The following KLHL28 variants were observed in gnomAD, a reference collection of about 807,000 sequenced individuals.
KLHL28 encodes kelch-like protein 28.
In KLHL28, 22 loss-of-function variants were observed where a neutral mutation model predicts 48.3. That is an observed-to-expected ratio of 0.46 (90% CI 0.33 to 0.65). The LOEUF (loss-of-function observed/expected upper bound fraction) is 0.65, where lower values mean the gene tolerates loss of function less well. Ranked by LOEUF, KLHL28 falls within the 30% of genes least tolerant of loss-of-function variation. The pLI is 0.03. For missense variants in KLHL28, 527 were observed against 704.3 expected (o/e 0.75, Z 2.85); for synonymous variants, 243 against 242.4 (o/e 1.00, Z -0.02).
chr14:44,945,239 A>G lies in KLHL28; in HGVS notation c.690T>C (p.Ser230=). ...LLNSVRLPLL[S]VKFLTRLYEA... ...CATATAGTCTAGTGAGAAACTTAAC[A>G]CTCAACAATGGTAATCGTACACTGT... Residue 230 remains serine, a synonymous_variant, in exon 2 of 5, where the codon AGT becomes AGC. Transcript: ENST00000396128. The G allele has an allele frequency of 6.2e-7, 1 of 1,614,136 alleles. No homozygotes were observed.
In KLHL28 at chr14:44,934,334, C is replaced by T. The variant is rs1883715650; in HGVS notation, c.1124G>A (p.Ser375Asn). ...TACTACTACTCCAAGAGTACTTCGG[C>T]TTTCATTCATTCTCTCTAGAGAAGT... is the stretch of plus-strand genomic sequence containing the variant. ...TWTSLERMNE[S>N]RSTLGVVVLA... Residue 375 changes from serine to asparagine, a missense_variant, in exon 3 of 5, where the codon AGC becomes AAC. Physicochemically the swap from Ser to Asn is conservative, Grantham distance 46 (BLOSUM62 1). Coordinates refer to ENST00000396128, the MANE Select transcript of KLHL28 (RefSeq NM_017658.5). 6.2e-7 allele frequency: 1 copy of T among 1,614,126 alleles called. No homozygotes were observed. The highest frequency in any genetic ancestry group is 8.5e-7 in the Non-Finnish European group (1 of 1,179,990).
intron 1 of KLHL28, among the ~76,000 whole-genome samples, chr14:44,955,816 C>G (rs1401017895): frequency 6.6e-6 from 1 of 151,924 alleles, no homozygotes; most frequent in Non-Finnish European, 1.5e-5. Flanking sequence ...TCCTAGGTAG[C>G]AAGAAAGCTA....
rs890703790 is a variant in KLHL28, at chr14:44,928,884, G to A, written c.*144C>T. 4.4e-5 allele frequency: 26 copies of A among 593,888 alleles called. 2 individuals carry two copies. Among genetic ancestry groups the A allele is most frequent in the Non-Finnish European group, 6.0e-5 (21 of 348,810 alleles). 36.8% of individuals were successfully genotyped at this position (593,888 alleles called of 1,614,324 possible). A position where few individuals can be genotyped will look rare whatever the true frequency, so the allele number is the denominator to read the frequency against. On this transcript the variant is annotated 3_prime_UTR_variant, in exon 5 of 5. Transcript: ENST00000396128. ...AACCAAAACTACTTCTCAATTAAAAGTACCCAACAAAACTTTTGAGCCTTC... is the reference window on the plus strand; with the variant it reads ...AACCAAAACTACTTCTCAATTAAAAATACCCAACAAAACTTTTGAGCCTTC...
intron 1 of KLHL28, among the ~76,000 whole-genome samples, chr14:44,957,517 G>A (rs867934212): frequency 6.6e-6 from 1 of 152,124 alleles, no homozygotes; most frequent in Admixed American, 6.6e-5. Context: ...ATGTTGAGCT[G>A]CTTAAAATAT....
In KLHL28 at chr14:44,935,860, A is replaced by ATATATATATG. The variant is rs370701358; in HGVS notation, c.900-1303_900-1302insCATATATATA. ...ACTATATAATCTTTTGCATGTATGTATGTGTATGTGTATGTATATATATAT... is the reference window on the plus strand; with the variant it reads ...ACTATATAATCTTTTGCATGTATGTATATATATATGTGTGTATGTGTATGTATATATATAT... On this transcript the variant is annotated intron_variant, in intron 2 of 4. Coordinates refer to ENST00000396128, the MANE Select transcript of KLHL28 (RefSeq NM_017658.5). Among the ~76,000 whole-genome samples the ATATATATATG allele has an allele frequency of 2.4e-3, 261 of 107,714 alleles. 1 individual carries two copies. Among genetic ancestry groups the ATATATATATG allele is most frequent in the Middle Eastern group, 0.014 (3 of 220 alleles). The allele number at this position is 107,714 out of a possible 152,430, so 70.7% of individuals were successfully genotyped here. A position where few individuals can be genotyped will look rare whatever the true frequency, so the allele number is the denominator to read the frequency against.
chr14:44,955,250 T>C (rs993288044), intron 1 of KLHL28, among the ~76,000 whole-genome samples: 46 of 151,504 alleles, frequency 3.0e-4, no homozygotes, highest in Middle Eastern at 3.5e-3. Context: ...AATTTATATA[T>C]AATACATAAA....
In KLHL28 at chr14:44,927,896, A is replaced by G. The variant is rs1883428300; in HGVS notation, c.*1132T>C. The stretch of plus-strand genomic sequence containing the variant: ...TCAAAAGTGTAACTTTCTTTAAATC[A>G]CTATTCAGGAACCATGAAAAGCATA... On this transcript the variant is annotated 3_prime_UTR_variant, in exon 5 of 5. Coordinates refer to ENST00000396128, the MANE Select transcript of KLHL28 (RefSeq NM_017658.5). 1 of 152,592 alleles carries G rather than the reference A, an allele frequency of 6.6e-6. No homozygotes were observed. Among genetic ancestry groups the G allele is most frequent in the South Asian group, 2.1e-4 (1 of 4,836 alleles). The allele number at this position is 152,592 out of a possible 1,614,324, so 9.5% of individuals were successfully genotyped here.
intron 2 of KLHL28, among the ~76,000 whole-genome samples, chr14:44,935,672 A>G (rs529649671): frequency 4.6e-4 from 69 of 151,432 alleles, no homozygotes; most frequent in Non-Finnish European, 8.7e-4. Flanking sequence ...TTATAATGAA[A>G]AGCAAGGGAA....
Position 44,924,407 on chromosome 14 carries a change from C to T in KLHL28, c.*4621G>A, listed in dbSNP as rs1883312927. ...TACAGAACATTACCACAATGATACA[C>T]ACAAATAACCTTTAAAATAAAAAAG... On this transcript the variant is annotated 3_prime_UTR_variant, in exon 5 of 5. Coordinates refer to ENST00000396128, the MANE Select transcript of KLHL28 (RefSeq NM_017658.5). The T allele has an allele frequency of 1.3e-5, 2 of 152,380 alleles. No individual in the cohort carries two copies. Among genetic ancestry groups the T allele is most frequent in the South Asian group, 4.1e-4 (2 of 4,832 alleles). 9.4% of individuals were successfully genotyped at this position (152,380 alleles called of 1,614,324 possible).
intron 1 of KLHL28, chr14:44,959,548 T>C (rs1884942904): frequency 6.6e-6 from 1 of 152,120 alleles, no homozygotes; most frequent in Non-Finnish European, 1.5e-5. Flanking sequence ...AGAAAAATCA[T>C]AGTGATTCGC....
intron 1 of KLHL28, chr14:44,953,610 G>C (rs1884677851): frequency 6.6e-6 from 1 of 152,414 alleles, no homozygotes; most frequent in African/African-American, 2.4e-5. Flanking sequence ...TTGGGACTCT[G>C]CAGAGTTCTT....
rs574496201 is a variant in KLHL28 at position 44,928,803 on chromosome 14, CT to C, written c.*224del. 0.022 allele frequency: 6,234 copies of C among 288,302 alleles called. 15 individuals carry two copies. Among genetic ancestry groups the C allele is most frequent in the Middle Eastern group, 0.031 (30 of 964 alleles). 17.9% of individuals were successfully genotyped at this position (288,302 alleles called of 1,614,324 possible). Reference sequence around the variant, plus strand: ...CAGAATTCAATTGGCAAAGTCTTTACTTTTTTTTTTTCTCTTTTTTCTTTTT... The same window carrying C: ...CAGAATTCAATTGGCAAAGTCTTTACTTTTTTTTTTCTCTTTTTTCTTTTT... On this transcript the variant is annotated 3_prime_UTR_variant, in exon 5 of 5. Coordinates refer to ENST00000396128, the MANE Select transcript of KLHL28 (RefSeq NM_017658.5).
rs912178306 is a variant in KLHL28, at chr14:44,936,022, G to A, written c.900-1464C>T. 7.3e-5 allele frequency among the ~76,000 whole-genome samples: 11 copies of A among 150,766 alleles called. No homozygotes were observed. In the Admixed American group the frequency reaches 7.3e-4, roughly 10 times the overall value. ...TCAAGCTATATTCATTCACTCAATA[G>A]TTACAGAATTCCTATTTAAAGTCAG... On this transcript the variant is annotated intron_variant, in intron 2 of 4. Coordinates refer to ENST00000396128, the MANE Select transcript of KLHL28 (RefSeq NM_017658.5).
chr14:44,928,125 T>C lies in KLHL28; in HGVS notation c.*903A>G, dbSNP rs1200478725. The C allele has an allele frequency of 6.6e-6, 1 of 152,498 alleles. No individual in the cohort carries two copies. The highest frequency in any genetic ancestry group is 1.5e-5 in the Non-Finnish European group (1 of 68,006). The allele number at this position is 152,498 out of a possible 1,614,324, so 9.4% of individuals were successfully genotyped here. On this transcript the variant is annotated 3_prime_UTR_variant, in exon 5 of 5. Coordinates refer to ENST00000396128, the MANE Select transcript of KLHL28 (RefSeq NM_017658.5). ...AGCACCATTTTATATCTGAACACTTTGAAAAAGCAAAGATCTTAAAAAACT... is the reference window on the plus strand; with the variant it reads ...AGCACCATTTTATATCTGAACACTTCGAAAAAGCAAAGATCTTAAAAAACT...
chr14:44,959,638 T>TA (rs1041261634), intron 1 of KLHL28: 4 of 152,088 alleles, frequency 2.6e-5, no homozygotes, highest in African/African-American at 4.8e-5. Flanking sequence ...TAAGTTCAGC[T>TA]AAAAAAATTA....
chr14:44,932,573 A>C (rs185904595), intron 3 of KLHL28, among the ~76,000 whole-genome samples: 2 of 152,274 alleles, frequency 1.3e-5, no homozygotes, highest in Admixed American at 6.5e-5. Flanking sequence ...TCTGGCCCTA[A>C]CCTATTTCCT....
chr14:44,956,010 C>T (rs1382879757), intron 1 of KLHL28, among the ~76,000 whole-genome samples: 4 of 152,166 alleles, frequency 2.6e-5, no homozygotes, highest in Admixed American at 1.3e-4. Context: ...CAACACCGGA[C>T]GATGCTAATG....
At chr14:44,936,331 GAGA>G (rs975550651) in intron 2 of KLHL28, among the ~76,000 whole-genome samples, 2 of 152,130 alleles carry the variant, frequency 1.3e-5, no homozygotes, top group African/African-American at 4.8e-5. Flanking sequence ...AGTACAGAGG[GAGA>G]AGATGATGAT....
chr14:44,934,594 A>ACC, intron 2 of KLHL28, 36 bp from the exon 3 acceptor site: 3 of 1,455,048 alleles, frequency 2.1e-6, no homozygotes, highest in Non-Finnish European at 2.8e-6. Flanking sequence ...AAATTTAAAA[A>ACC]CCAAAGTGGC....
Sources: allele counts gnomAD v4.1 joint callset (sites outside exome capture counted in the v4.1 genomes callset), GRCh38; gene constraint gnomAD v4.1.1; transcripts MANE v1.5; gene names NCBI Gene and HGNC (gene_info 2026-07-23, HGNC 2026-07-21).